NUMB: variants seen among roughly 807,000 people sequenced by gnomAD.
NUMB encodes the protein NUMB endocytic adaptor protein, also known as protein numb homolog.
NUMB carries 29 observed loss-of-function variants against 59.7 expected under a neutral mutation model. The ratio of observed to expected loss-of-function variants is 0.49; its 90% CI spans 0.36 to 0.66. The LOEUF is 0.66. Among genes scored for constraint, NUMB ranks in the 30% least tolerant of loss-of-function variants. The probability of loss-of-function intolerance (pLI) is 0.00; values close to 1 mark genes in which losing one functional copy is unlikely to be tolerated. For synonymous variants in NUMB, 288 were observed against 288.2 expected (o/e 1.00, Z 0.01); for missense variants, 723 against 822.0 (o/e 0.88, Z 1.47).
chr14:73,425,206 A>G (rs1172321968), intron 1 of NUMB, among the ~76,000 whole-genome samples: 2 of 152,218 alleles, frequency 1.3e-5, no homozygotes, highest in Non-Finnish European at 2.9e-5. Context: ...AGTACATGCA[A>G]TAGAGCTTAA....
rs1204731375 is a variant in NUMB at position 73,381,655 on chromosome 14, AT to A, written c.-100-14675del. Among the ~76,000 whole-genome samples, 6 of 152,226 alleles carry A rather than the reference AT, an allele frequency of 3.9e-5. No individual in the cohort carries two copies. In the South Asian group the frequency reaches 8.3e-4, roughly 21 times the overall value. On this transcript the variant is annotated intron_variant, in intron 2 of 12. Transcript: ENST00000555238. ...TTCATAACACTCTGTACATCTCCTT[AT>A]CACAATTTTAAATAAAGGCACCTTT...
chr14:73,428,629 A>G (rs1897686915), intron 1 of NUMB, among the ~76,000 whole-genome samples: 2 of 152,150 alleles, frequency 1.3e-5, no homozygotes, highest in South Asian at 4.1e-4. Context: ...TTGCCTCTAA[A>G]AAAAATTAAA....
intron 8 of NUMB, among the ~76,000 whole-genome samples, chr14:73,291,894 C>T (rs1466326884): frequency 1.3e-5 from 2 of 151,484 alleles, no homozygotes; most frequent in Non-Finnish European, 2.9e-5. Context: ...CCATATTGGC[C>T]AGGCTGGTCT....
intron 7 of NUMB, among the ~76,000 whole-genome samples, chr14:73,293,831 A>C (rs966758991): frequency 1.3e-5 from 2 of 152,224 alleles, no homozygotes; most frequent in East Asian, 3.8e-4. Context: ...GTAGCAGTCT[A>C]CTTCAGTGTA....
At chr14:73,345,231 G>A (rs748018351) in intron 4 of NUMB, among the ~76,000 whole-genome samples, 16 of 152,138 alleles carry the variant, frequency 1.1e-4, no homozygotes, top group African/African-American at 3.4e-4. Flanking sequence ...TTATCCTAGC[G>A]AATTAACACA....
intron 2 of NUMB, among the ~76,000 whole-genome samples, chr14:73,401,911 G>A (rs191063918): frequency 2.2e-4 from 33 of 152,074 alleles, no homozygotes; most frequent in Non-Finnish European, 3.4e-4. Context: ...CCAGGCTGGA[G>A]AGCAGTGGGG....
intron 2 of NUMB, among the ~76,000 whole-genome samples, chr14:73,383,377 G>C (rs1291919240): frequency 6.6e-6 from 1 of 152,088 alleles, no homozygotes; most frequent in African/African-American, 2.4e-5. Context: ...GCTTTTAATA[G>C]CAGACTGAAC....
At chr14:73,403,872 A>G (rs1027055054) in intron 2 of NUMB, among the ~76,000 whole-genome samples, 1 of 151,866 alleles carries the variant, frequency 6.6e-6, no homozygotes, top group Admixed American at 6.6e-5. Flanking sequence ...AGGCGGGCGG[A>G]TCATGAGGTC....
At chr14:73,311,197 A>G (rs1890758864) in intron 6 of NUMB, among the ~76,000 whole-genome samples, 1 of 152,056 alleles carries the variant, frequency 6.6e-6, no homozygotes, top group South Asian at 2.1e-4. Flanking sequence ...CTGGGATTAC[A>G]GGCGCCTGCC....
At chr14:73,364,435 C>T (rs1894237849) in intron 3 of NUMB, among the ~76,000 whole-genome samples, 1 of 152,018 alleles carries the variant, frequency 6.6e-6, no homozygotes, top group Non-Finnish European at 1.5e-5. Context: ...ACCTGGGAAG[C>T]TGAGGTTGCA....
At chr14:73,389,070 GC>G (rs1249255798) in intron 2 of NUMB, among the ~76,000 whole-genome samples, 1 of 141,604 alleles carries the variant, frequency 7.1e-6, no homozygotes, top group African/African-American at 2.6e-5. Context: ...CTGCACTCCA[GC>G]CTAGGCGACA....
chr14:73,387,634 G>C (rs1373304335), intron 2 of NUMB, among the ~76,000 whole-genome samples: 1 of 151,734 alleles, frequency 6.6e-6, no homozygotes, highest in African/African-American at 2.4e-5. Flanking sequence ...TCCGGTGACT[G>C]AGGTACAAGA....
At chr14:73,379,676 A>ATAGGTGGAAGAGAGCACTC (rs1895136001) in intron 2 of NUMB, among the ~76,000 whole-genome samples, 1 of 152,178 alleles carries the variant, frequency 6.6e-6, no homozygotes, top group Non-Finnish European at 1.5e-5. Flanking sequence ...GCCCAAGTAC[A>ATAGGTGGAAGAGAGCACTC]TAGGTGGAAG....
chr14:73,292,429 A>G (rs1191899513), intron 8 of NUMB, among the ~76,000 whole-genome samples: 1 of 152,222 alleles, frequency 6.6e-6, no homozygotes, highest in African/African-American at 2.4e-5. Context: ...TACATTTAAG[A>G]ACCCTGAAAA....
intron 1 of NUMB, among the ~76,000 whole-genome samples, chr14:73,430,185 C>T (rs918780187): frequency 2.0e-5 from 3 of 151,720 alleles, no homozygotes; most frequent in Non-Finnish European, 4.4e-5. Context: ...ACCTATACTG[C>T]ATTTGCATAT....
chr14:73,353,077 T>TCTTTTTC (rs1373581923), intron 4 of NUMB, among the ~76,000 whole-genome samples: 1 of 90,936 alleles, frequency 1.1e-5, no homozygotes. Flanking sequence ...TTCTTGTTTT[T>TCTTTTTC]TTTTTTTTTT....
chr14:73,341,897 C>T (rs77221132), intron 4 of NUMB, among the ~76,000 whole-genome samples: 1 of 152,094 alleles, frequency 6.6e-6, no homozygotes, highest in Admixed American at 6.5e-5. Flanking sequence ...TCAAATCCTA[C>T]CTTCAAATAA....
At chr14:73,390,710 C>A (rs1227341299) in intron 2 of NUMB, among the ~76,000 whole-genome samples, 1 of 117,168 alleles carries the variant, frequency 8.5e-6, no homozygotes, top group Non-Finnish European at 1.6e-5. Flanking sequence ...AGTGCAGTGG[C>A]GTGATCTCAG....
At chr14:73,382,518 A>G (rs1402528614) in intron 2 of NUMB, among the ~76,000 whole-genome samples, 1 of 152,070 alleles carries the variant, frequency 6.6e-6, no homozygotes. Context: ...GCCTGACAAG[A>G]AGGAGAGGCC....
Sources: allele counts gnomAD v4.1 joint callset (sites outside exome capture counted in the v4.1 genomes callset), GRCh38; gene constraint gnomAD v4.1.1; transcripts MANE v1.5; gene names NCBI Gene and HGNC (gene_info 2026-07-23, HGNC 2026-07-21).